UBE2C: variants seen among roughly 807,000 people sequenced by gnomAD.
The protein encoded by UBE2C is ubiquitin-conjugating enzyme E2 C.
In UBE2C, 16 loss-of-function variants were observed where a neutral mutation model predicts 23.5. The ratio of observed to expected loss-of-function variants is 0.68; its 90% CI spans 0.46 to 1.03. The LOEUF is 1.03. Among genes scored for constraint, UBE2C ranks in the 50% least tolerant of loss-of-function variants. The pLI is 0.00. For synonymous variants in UBE2C, 76 were observed against 91.6 expected (o/e 0.83, Z 0.97); for missense variants, 192 against 227.6 (o/e 0.84, Z 1.01).
intron 5 of UBE2C, among the ~76,000 whole-genome samples, 199 bp from the exon 6 acceptor site, chr20:45,816,510 A>G (rs1311595705): frequency 6.6e-6 from 1 of 152,180 alleles, no homozygotes; most frequent in Admixed American, 6.5e-5. Flanking sequence ...GGTGGTAGGC[A>G]CCTGTAGTCC....
chr20:45,814,262 G>GCA (rs1210152669), intron 2 of UBE2C, 122 bp from the exon 3 acceptor site: 1 of 339,938 alleles, frequency 2.9e-6, no homozygotes, highest in African/African-American at 3.8e-5. Flanking sequence ...GTGTGTGTGT[G>GCA]TATGTGAGCA....
At position 45,815,360 on chromosome 20, in the gene UBE2C, AAAACT is replaced by A. The variant is rs780492032; in HGVS notation, c.217-172_217-168del. The A allele has an allele frequency of 3.2e-6, 5 of 1,568,732 alleles. No homozygotes were observed. The South Asian group carries it at 3.6e-5, about 11-fold the overall frequency. The stretch of plus-strand genomic sequence containing the variant: ...ATGGTGAAACCCTGTCTCTAAAATA[AAAACT>A]AAACTAAAAAAACTTTTTAAAAAGG... On this transcript the variant is annotated intron_variant, in intron 3 of 5. Coordinates refer to ENST00000356455, the MANE Select transcript of UBE2C (RefSeq NM_007019.4).
intron 1 of UBE2C, 142 bp downstream of exon 1, chr20:45,812,938 G>A (rs2145712747): frequency 2.1e-6 from 3 of 1,431,996 alleles, no homozygotes; most frequent in Admixed American, 2.8e-5. Flanking sequence ...CAGGAGCTCG[G>A]GGCCTGGCAT....
intron 2 of UBE2C, 61 bp downstream of exon 2, chr20:45,813,525 T>A: frequency 6.2e-7 from 1 of 1,612,170 alleles, no homozygotes; most frequent in Non-Finnish European, 8.5e-7. Context: ...CCTCCTTTTT[T>A]CCGTCAGCTT....
intron 2 of UBE2C, among the ~76,000 whole-genome samples, chr20:45,813,862 TG>T (rs1299336907): frequency 1.3e-5 from 2 of 152,074 alleles, no homozygotes; most frequent in East Asian, 3.9e-4. Context: ...CCCAACACTT[TG>T]GGGGGCTAAG....
chr20:45,815,027 CG>C (rs1982368739), intron 3 of UBE2C, among the ~76,000 whole-genome samples: 1 of 151,340 alleles, frequency 6.6e-6, no homozygotes, highest in South Asian at 2.1e-4. Flanking sequence ...TTAGTAGAGA[CG>C]GGGTTTCACC....
chr20:45,814,715 T>C (rs1158685315), intron 3 of UBE2C, among the ~76,000 whole-genome samples: 1 of 152,246 alleles, frequency 6.6e-6, no homozygotes, highest in African/African-American at 2.4e-5. Context: ...GTGAGGACTT[T>C]GGCCAATAGG....
rs772939191 is a variant in UBE2C, at chr20:45,815,564, G to C, written c.240G>C (p.Lys80Asn). ...AGTVYEDLRY[K>N]LSLEFPSGYP... ...AGGTATATGAAGACCTGAGGTATAA[G>C]CTCTCGCTAGAGTTCCCCAGTGGCT... The change falls in exon 4 of 6, where the codon AAG (lysine) becomes AAC (asparagine). Residue 80 changes from lysine to asparagine, a missense_variant. Physicochemically the swap from Lys to Asn is moderately conservative, Grantham distance 94 (BLOSUM62 0). Transcript: ENST00000356455. The C allele has an allele frequency of 6.2e-7, 1 of 1,614,056 alleles. No individual in the cohort carries two copies. The highest frequency in any genetic ancestry group is 8.5e-7 in the Non-Finnish European group (1 of 1,179,996).
rs201125748 is a variant in UBE2C at position 45,815,892 on chromosome 20, G to A, written c.460G>A (p.Glu154Lys). 9.9e-6 allele frequency: 16 copies of A among 1,613,804 alleles called. 1 individual carries two copies. The highest frequency in any genetic ancestry group is 6.6e-5 in the South Asian group (6 of 91,080). ...IDSPLNTHAAELWKNPTAFKK... is the reference protein window; with the variant it reads ...IDSPLNTHAAKLWKNPTAFKK... ...TAGTCCCTTGAACACACATGCTGCC[G>A]AGCTCTGGAAAAACCCCACAGGTGA... The change falls in exon 5 of 6, where the codon GAG (glutamate) becomes AAG (lysine). Residue 154 changes from glutamate to lysine, a missense_variant. Physicochemically the swap from Glu to Lys is moderately conservative, Grantham distance 56 (BLOSUM62 1). Coordinates refer to ENST00000356455, the MANE Select transcript of UBE2C (RefSeq NM_007019.4).
Position 45,814,424 on chromosome 20 carries a change from A to G in UBE2C, c.170A>G (p.Asp57Gly). 6.2e-7 allele frequency: 1 copy of G among 1,611,530 alleles called. No individual in the cohort carries two copies. The highest frequency in any genetic ancestry group is 8.5e-7 in the Non-Finnish European group (1 of 1,178,760). ...DKGISAFPES[D>G]NLFKWVGTIH... is the part of the protein sequence containing the mutation. Reference sequence around the variant, plus strand: ...GGGATTTCTGCCTTCCCTGAATCAGACAACCTTTTCAAATGGGTAGGGACC... The same window carrying G: ...GGGATTTCTGCCTTCCCTGAATCAGGCAACCTTTTCAAATGGGTAGGGACC... The change falls in exon 3 of 6, where the codon GAC becomes GGC. Residue 57 changes from aspartate to glycine, a missense_variant. By Grantham distance (94) the Asp-to-Gly change is moderately conservative. Coordinates refer to ENST00000356455, the MANE Select transcript of UBE2C (RefSeq NM_007019.4).
intron 2 of UBE2C, among the ~76,000 whole-genome samples, 177 bp downstream of exon 2, chr20:45,813,641 C>G (rs1166134362): frequency 6.6e-6 from 1 of 151,524 alleles, no homozygotes; most frequent in Non-Finnish European, 1.5e-5. Context: ...AATTCCATCC[C>G]CCCACACGAA....
Position 45,815,207 on chromosome 20 carries a change from A to T in UBE2C, c.217-334A>T, listed in dbSNP as rs143834101. ...CAATCCTTAGACCAAAGAGTCACTGATGTCTCCACCAGATAAGAGGAAAGC... is the reference window on the plus strand; with the variant it reads ...CAATCCTTAGACCAAAGAGTCACTGTTGTCTCCACCAGATAAGAGGAAAGC... On this transcript the variant is annotated intron_variant, in intron 3 of 5. Transcript: ENST00000356455. Among the ~76,000 whole-genome samples the T allele has an allele frequency of 4.4e-3, 664 of 152,172 alleles. 4 individuals are homozygous for T. Among genetic ancestry groups the T allele is most frequent in the Middle Eastern group, 0.01 (3 of 294 alleles).
chr20:45,813,489 C>A, intron 2 of UBE2C, 25 bp downstream of exon 2: 1 of 1,614,120 alleles, frequency 6.2e-7, no homozygotes, highest in Non-Finnish European at 8.5e-7. Flanking sequence ...GCCCAGAACC[C>A]CAGCCTTCCA....
Position 45,815,764 on chromosome 20 carries a change from C to G in UBE2C, c.421+19C>G. 6.2e-7 allele frequency: 1 copy of G among 1,611,750 alleles called. No individual in the cohort carries two copies. Among genetic ancestry groups the G allele is most frequent in the Non-Finnish European group, 8.5e-7 (1 of 1,178,214 alleles). On this transcript the variant is annotated intron_variant, in intron 4 of 5. Coordinates refer to ENST00000356455, the MANE Select transcript of UBE2C (RefSeq NM_007019.4). ...CTAGGAGGTGACTTTAGAGACCACC[C>G]CTCCCCTCCATGCAACTTGGGAACC... is the stretch of plus-strand genomic sequence containing the variant.
At chr20:45,816,530 A>G (rs1374312520) in intron 5 of UBE2C, among the ~76,000 whole-genome samples, 179 bp from the exon 6 acceptor site, 1 of 152,194 alleles carries the variant, frequency 6.6e-6, no homozygotes, top group Non-Finnish European at 1.5e-5. Flanking sequence ...CCAGCTACTC[A>G]GGAGGCTGAG....
In UBE2C at chr20:45,814,487, G is replaced by A; in HGVS notation, c.216+17G>A. Reference sequence around the variant, plus strand: ...GCTGGAACAGTAAGTGTAGGGCTGGGATGGGTGAGTGAGTCTGGGGAAAGG... The same window carrying A: ...GCTGGAACAGTAAGTGTAGGGCTGGAATGGGTGAGTGAGTCTGGGGAAAGG... On this transcript the variant is annotated intron_variant, in intron 3 of 5. Coordinates refer to ENST00000356455, the MANE Select transcript of UBE2C (RefSeq NM_007019.4). 2 of 1,596,876 alleles carry A rather than the reference G, an allele frequency of 1.3e-6. No homozygotes were observed. The highest frequency in any genetic ancestry group is 1.7e-6 in the Non-Finnish European group (2 of 1,169,816).
In UBE2C at chr20:45,812,695, G is replaced by A; in HGVS notation, c.-1G>A. The A allele has an allele frequency of 1.3e-6, 2 of 1,551,162 alleles. No individual in the cohort carries two copies. Among genetic ancestry groups the A allele is most frequent in the Non-Finnish European group, 8.7e-7 (1 of 1,147,142 alleles). ...CCTGTCTCTCTGCCAACGCCGCCCG[G>A]ATGGCTTCCCAAAACCGCGACCCAG... On this transcript the variant is annotated 5_prime_UTR_variant, in exon 1 of 6. Coordinates refer to ENST00000356455, the MANE Select transcript of UBE2C (RefSeq NM_007019.4).
chr20:45,815,251 G>A lies in UBE2C; in HGVS notation c.217-290G>A, dbSNP rs572679134. ...GGAAAGCATCAGGCTAGGCATAGTG[G>A]CTCACACCTGTAATCTCAGCACTTT... On this transcript the variant is annotated intron_variant, in intron 3 of 5. Coordinates refer to ENST00000356455, the MANE Select transcript of UBE2C (RefSeq NM_007019.4). 3 of 780,538 alleles carry A rather than the reference G, an allele frequency of 3.8e-6. No individual in the cohort carries two copies. In the East Asian group the frequency reaches 7.9e-5, roughly 21 times the overall value. 48.4% of individuals were successfully genotyped at this position (780,538 alleles called of 1,614,324 possible). A position where few individuals can be genotyped will look rare whatever the true frequency, so the allele number is the denominator to read the frequency against.
Position 45,815,873 on chromosome 20 carries a change from C to T in UBE2C, c.441C>T (p.Pro147=). Residue 147 remains proline (P), a synonymous_variant, in exon 5 of 6, where the codon CCC becomes CCT. Coordinates refer to ENST00000356455, the MANE Select transcript of UBE2C (RefSeq NM_007019.4). ...SLLGEPNIDS[P]LNTHAAELWK... is the part of the protein sequence containing the mutation. ...CCACAGAACCCAACATTGATAGTCC[C>T]TTGAACACACATGCTGCCGAGCTCT... 1 of 1,614,088 alleles carries T rather than the reference C, an allele frequency of 6.2e-7. No individual in the cohort carries two copies. Among genetic ancestry groups the T allele is most frequent in the Non-Finnish European group, 8.5e-7 (1 of 1,180,018 alleles).
Sources: gnomAD v4.1 joint callset for allele counts (sites outside exome capture counted in the v4.1 genomes callset) on GRCh38, gnomAD v4.1.1 for gene constraint, MANE v1.5 for transcripts, NCBI Gene and HGNC (gene_info 2026-07-23, HGNC 2026-07-21) for gene names.